KCNN2: variants seen among roughly 807,000 people sequenced by gnomAD.
KCNN2 encodes the protein potassium calcium-activated channel subfamily N member 2, also known as small conductance calcium-activated potassium channel protein 2.
In KCNN2, 24 loss-of-function variants were observed where a neutral mutation model predicts 55.5. That is an observed-to-expected ratio of 0.43 (90% confidence interval 0.31 to 0.61). The LOEUF (loss-of-function observed/expected upper bound fraction) is 0.61, where lower values mean the gene tolerates loss of function less well. Ranked by LOEUF, KCNN2 falls within the 20% of genes least tolerant of loss-of-function variation. The pLI, the probability that KCNN2 is intolerant of heterozygous loss-of-function variation, is 0.08. For missense variants in KCNN2, 754 were observed against 853.6 expected (o/e 0.88, Z 1.45); for synonymous variants, 431 against 336.1 (o/e 1.28, Z -3.09).
intron 2 of KCNN2, among the ~76,000 whole-genome samples, chr5:114,387,417 A>T (rs1758319747): frequency 1.3e-5 from 2 of 152,244 alleles, no homozygotes; most frequent in Non-Finnish European, 2.9e-5. Flanking sequence ...ACTGAGCTAC[A>T]GCTTAGTGCA....
At chr5:114,480,648 C>T (rs532628934) in intron 5 of KCNN2, among the ~76,000 whole-genome samples, 14 of 152,274 alleles carry the variant, frequency 9.2e-5, no homozygotes, top group Non-Finnish European at 1.3e-4. Context: ...TTCAGCAGCA[C>T]ATCAAAAGCC....
intron 1 of KCNN2, among the ~76,000 whole-genome samples, chr5:114,063,566 A>G (rs1398711662): frequency 6.6e-6 from 1 of 152,208 alleles, no homozygotes; most frequent in Admixed American, 6.5e-5. Flanking sequence ...TCTGTGGAAC[A>G]TACTTCAGGC....
chr5:114,241,218 T>C lies in KCNN2; in HGVS notation c.-185+19653T>C, dbSNP rs1754612211. 2.0e-5 allele frequency among the ~76,000 whole-genome samples: 3 copies of C among 151,826 alleles called. No individual in the cohort carries two copies. The South Asian group carries it at 6.2e-4, about 32-fold the overall frequency. On this transcript the variant is annotated intron_variant, in intron 2 of 10. Coordinates refer to the KCNN2 transcript ENST00000512097. ...AACTCTAATGTCACAAAAATAGCAA[T>C]AATTCTGAGAACATTATGTAATTTA... is the stretch of plus-strand genomic sequence containing the variant.
At chr5:114,057,376 C>T (rs1750233619) in intron 1 of KCNN2, among the ~76,000 whole-genome samples, 2 of 152,122 alleles carry the variant, frequency 1.3e-5, no homozygotes, top group African/African-American at 4.8e-5. Flanking sequence ...TGGGGTAACT[C>T]AGAAACAGAT....
chr5:114,379,781 A>G lies in KCNN2; in HGVS notation c.1218+15780A>G, dbSNP rs577313137. Among the ~76,000 whole-genome samples the G allele has an allele frequency of 3.8e-4, 34 of 90,288 alleles. 1 individual carries two copies. The highest frequency in any genetic ancestry group is 5.6e-4 in the Non-Finnish European group (29 of 51,358). 59.2% of individuals were successfully genotyped at this position (90,288 alleles called of 152,430 possible). On this transcript the variant is annotated intron_variant, in intron 2 of 7. Coordinates refer to ENST00000673685, the MANE Select transcript of KCNN2 (RefSeq NM_021614.4). Reference sequence around the variant, plus strand: ...ATATTTATAGAATATATTATATAACATATATATTTATAGAATATATTATAT... The same window carrying G: ...ATATTTATAGAATATATTATATAACGTATATATTTATAGAATATATTATAT...
chr5:114,418,454 G>C (rs1168194607), intron 3 of KCNN2, among the ~76,000 whole-genome samples: 2 of 152,096 alleles, frequency 1.3e-5, no homozygotes, highest in African/African-American at 4.8e-5. Context: ...CATTTACTCT[G>C]CTGGAGCACA....
chr5:114,421,656 C>T (rs1759474909), intron 3 of KCNN2, among the ~76,000 whole-genome samples: 1 of 152,008 alleles, frequency 6.6e-6, no homozygotes, highest in Non-Finnish European at 1.5e-5. Flanking sequence ...GTTACCCAGG[C>T]TGGAGTGCAA....
intron 2 of KCNN2, among the ~76,000 whole-genome samples, chr5:114,334,715 G>GA (rs1203221828): frequency 6.6e-6 from 1 of 151,824 alleles, no homozygotes; most frequent in Non-Finnish European, 1.5e-5. Context: ...TTATTTTCCT[G>GA]AACACTAAAG....
intron 3 of KCNN2, among the ~76,000 whole-genome samples, chr5:114,415,030 A>G (rs1759263188): frequency 2.0e-5 from 3 of 152,216 alleles, no homozygotes; most frequent in Non-Finnish European, 2.9e-5. Context: ...ATCTGTCTCC[A>G]TAGATTTGCC....
intron 1 of KCNN2, among the ~76,000 whole-genome samples, chr5:114,165,906 A>G (rs1158890226): frequency 6.6e-6 from 1 of 151,988 alleles, no homozygotes; most frequent in African/African-American, 2.4e-5. Flanking sequence ...CTAACCCCAC[A>G]TTTTTCAAGG....
chr5:114,330,773 C>G (rs1756804589), intron 2 of KCNN2, among the ~76,000 whole-genome samples: 4 of 152,184 alleles, frequency 2.6e-5, no homozygotes. Context: ...TGGGCACATA[C>G]CATGCTGAAG....
intron 1 of KCNN2, among the ~76,000 whole-genome samples, chr5:114,129,071 T>C (rs527722719): frequency 3.9e-5 from 6 of 152,272 alleles, no homozygotes; most frequent in Middle Eastern, 3.4e-3. Context: ...CTAACAACAG[T>C]GGAGTTGTTA....
chr5:114,070,821 A>G (rs1750553516), intron 1 of KCNN2, among the ~76,000 whole-genome samples: 1 of 152,232 alleles, frequency 6.6e-6, no homozygotes, highest in African/African-American at 2.4e-5. Flanking sequence ...AGACCTCTCT[A>G]AACTTCAGTG....
chr5:114,143,068 AG>A (rs1000627957), intron 1 of KCNN2, among the ~76,000 whole-genome samples: 5 of 152,088 alleles, frequency 3.3e-5, no homozygotes, highest in Non-Finnish European at 5.9e-5. Flanking sequence ...AGCTGGGTCC[AG>A]GGGGGTCACC....
In KCNN2 at chr5:114,366,351, G is replaced by C. The variant is rs534669402; in HGVS notation, c.1218+2350G>C. Among the ~76,000 whole-genome samples the C allele has an allele frequency of 1.1e-4, 16 of 152,238 alleles. 1 individual carries two copies. The East Asian group carries it at 3.1e-3, about 29-fold the overall frequency. On this transcript the variant is annotated intron_variant, in intron 2 of 7. Transcript: ENST00000673685. ...TTATTTTATATGATATGTGGTTTCT[G>C]TTAAACCCACTATACTTAAGATAAT...
At position 114,415,128 on chromosome 5, in the gene KCNN2, A is replaced by G. The variant is rs370681141; in HGVS notation, c.1637+10272A>G. 5.4e-4 allele frequency among the ~76,000 whole-genome samples: 83 copies of G among 152,352 alleles called. No homozygotes were observed. The South Asian group carries it at 9.5e-3, about 17-fold the overall frequency. Reference sequence around the variant, plus strand: ...TACTTAAAGATTTTGATGTTTGCCTATGTTGTAGTATGTATTGAAGTTTGT... The same window carrying G: ...TACTTAAAGATTTTGATGTTTGCCTGTGTTGTAGTATGTATTGAAGTTTGT... On this transcript the variant is annotated intron_variant, in intron 3 of 7. Transcript: ENST00000673685.
chr5:114,416,435 A>G (rs1458230044), intron 3 of KCNN2, among the ~76,000 whole-genome samples: 1 of 152,178 alleles, frequency 6.6e-6, no homozygotes, highest in Admixed American at 6.5e-5. Flanking sequence ...ATGACCGTCC[A>G]CAGTCATGAC....
At chr5:114,470,969 G>A (rs1303495209) in intron 4 of KCNN2, among the ~76,000 whole-genome samples, 1 of 152,146 alleles carries the variant, frequency 6.6e-6, no homozygotes, top group Non-Finnish European at 1.5e-5. Context: ...TATAGTCAAG[G>A]TTAAAAACTA....
chr5:114,213,811 G>A (rs1372400235), intron 1 of KCNN2, among the ~76,000 whole-genome samples: 1 of 152,060 alleles, frequency 6.6e-6, no homozygotes, highest in Non-Finnish European at 1.5e-5. Context: ...TAGAACAGTT[G>A]CTTAAGACAG....
Sources: allele counts gnomAD v4.1 joint callset (sites outside exome capture counted in the v4.1 genomes callset), GRCh38; gene constraint gnomAD v4.1.1; transcripts MANE v1.5; gene names NCBI Gene and HGNC (gene_info 2026-07-23, HGNC 2026-07-21).